EPRS1: variants seen among roughly 807,000 people sequenced by gnomAD.
The protein encoded by EPRS1 is glutamyl-prolyl-tRNA synthetase 1.
In EPRS1, 107 loss-of-function variants were observed where a neutral mutation model predicts 188.3. The observed-to-expected ratio is 0.57, with a 90% CI of 0.49 to 0.67. The LOEUF (loss-of-function observed/expected upper bound fraction) is 0.67, where lower values mean the gene tolerates loss of function less well. Among genes scored for constraint, EPRS1 ranks in the 30% least tolerant of loss-of-function variants. The probability of loss-of-function intolerance (pLI) is 0.00; values close to 1 mark genes in which losing one functional copy is unlikely to be tolerated. For synonymous variants in EPRS1, 596 were observed against 593.1 expected (o/e 1.00, Z -0.07); for missense variants, 1,577 against 1,802.2 (o/e 0.88, Z 2.26).
intron 30 of EPRS1, 145 bp from the exon 31 acceptor site, chr1:219,969,267 C>T (rs1180186939): frequency 3.2e-6 from 2 of 634,772 alleles, no homozygotes; most frequent in Non-Finnish European, 5.6e-6. Flanking sequence ...CTTTGCAAAC[C>T]TACTAGGAAC....
rs190938997 is a variant in EPRS1, at chr1:219,992,287, C to T, written c.2542-3464G>A. 1.2e-4 allele frequency among the ~76,000 whole-genome samples: 19 copies of T among 152,194 alleles called. No homozygotes were observed. The East Asian group carries it at 2.5e-3, about 20-fold the overall frequency. On this transcript the variant is annotated intron_variant, in intron 18 of 31. Coordinates refer to ENST00000366923, the MANE Select transcript of EPRS1 (RefSeq NM_004446.3). ...ATTGGGGACATAAAATACAAGGTGC[C>T]GTGAATTAAAATGCTGCAACTACAG...
chr1:220,022,004 A>G (rs1661886383), intron 9 of EPRS1, among the ~76,000 whole-genome samples: 1 of 151,584 alleles, frequency 6.6e-6, no homozygotes, highest in Non-Finnish European at 1.5e-5. Context: ...TTAGGAATCA[A>G]TTTGTGCAAA....
chr1:220,006,651 A>G (rs1661493267), intron 14 of EPRS1, among the ~76,000 whole-genome samples: 2 of 152,292 alleles, frequency 1.3e-5, no homozygotes, highest in East Asian at 1.9e-4. Context: ...TTGAATTACT[A>G]TGTTTAAAAA....
intron 16 of EPRS1, among the ~76,000 whole-genome samples, chr1:220,002,084 C>T (rs947857300): frequency 5.3e-5 from 8 of 151,862 alleles, no homozygotes; most frequent in Non-Finnish European, 1.2e-4. Flanking sequence ...AATCCCAGCA[C>T]TTTGGGAGGC....
chr1:219,990,785 T>C (rs1380668722), intron 18 of EPRS1, among the ~76,000 whole-genome samples: 2 of 152,314 alleles, frequency 1.3e-5, no homozygotes, highest in African/African-American at 4.8e-5. Context: ...TATCTCTTAA[T>C]ATACTAGTTT....
intron 12 of EPRS1, among the ~76,000 whole-genome samples, chr1:220,016,328 G>T (rs1247631198): frequency 6.6e-6 from 1 of 150,776 alleles, no homozygotes; most frequent in African/African-American, 2.4e-5. Flanking sequence ...TAAGTAACAG[G>T]GTGAGATTCC....
intron 17 of EPRS1, among the ~76,000 whole-genome samples, chr1:219,998,681 T>TA (rs1444979491): frequency 1.3e-5 from 2 of 151,828 alleles, no homozygotes; most frequent in Non-Finnish European, 2.9e-5. Flanking sequence ...TAGCTGGGAT[T>TA]ACAGGCCTGC....
In EPRS1 at chr1:220,011,024, T is replaced by A; in HGVS notation, c.1527A>T (p.Ala509=). The change falls in exon 13 of 32, where the codon GCA becomes GCT. Residue 509 remains alanine (A), a synonymous_variant. Transcript: ENST00000366923. ...VIDPVAPRYV[A]LLKKEVIPVN... ...CTGGGATCACTTCTTTCTTCAGTAATGCAACATATCGTGGAGCCACTGGGT... is the reference window on the plus strand; with the variant it reads ...CTGGGATCACTTCTTTCTTCAGTAAAGCAACATATCGTGGAGCCACTGGGT... 1 of 1,613,274 alleles carries A rather than the reference T, an allele frequency of 6.2e-7. No individual in the cohort carries two copies. The highest frequency in any genetic ancestry group is 8.5e-7 in the Non-Finnish European group (1 of 1,179,254).
intron 18 of EPRS1, among the ~76,000 whole-genome samples, chr1:219,990,172 T>C (rs1661092661): frequency 6.7e-6 from 1 of 149,866 alleles, no homozygotes; most frequent in Non-Finnish European, 1.5e-5. Context: ...TGAAACGTTA[T>C]AAAGGAGAAA....
intron 12 of EPRS1, chr1:220,018,211 T>G (rs1407340233): frequency 4.1e-5 from 51 of 1,258,776 alleles, no homozygotes; most frequent in Non-Finnish European, 5.3e-5. Flanking sequence ...ATATTACTGT[T>G]CCCCATAATT....
At chr1:220,002,821 A>T (rs1413417470) in intron 16 of EPRS1, among the ~76,000 whole-genome samples, 1 of 152,212 alleles carries the variant, frequency 6.6e-6, no homozygotes, top group African/African-American at 2.4e-5. Context: ...TCTGGGTGAG[A>T]GTGAGACCCT....
rs528288788 is a variant in EPRS1, at chr1:220,038,154, C to T, written c.131+2031G>A. On this transcript the variant is annotated intron_variant, in intron 2 of 31. Coordinates refer to ENST00000366923, the MANE Select transcript of EPRS1 (RefSeq NM_004446.3). ...CTAGAGTGCAATGGCACAATCTCAG[C>T]TCACTGCAACCTCCACCTCCCGGGT... Among the ~76,000 whole-genome samples, 23 of 150,194 alleles carry T rather than the reference C, an allele frequency of 1.5e-4. No individual in the cohort carries two copies. In the South Asian group the frequency reaches 4.8e-3, roughly 32 times the overall value.
chr1:219,978,284 A>T (rs1316981622), intron 28 of EPRS1, among the ~76,000 whole-genome samples: 2 of 152,198 alleles, frequency 1.3e-5, no homozygotes, highest in Non-Finnish European at 2.9e-5. Context: ...ACGTGAGGGT[A>T]ATCATAAACA....
At chr1:219,972,654 C>A (rs573595879) in intron 29 of EPRS1, among the ~76,000 whole-genome samples, 11 of 152,158 alleles carry the variant, frequency 7.2e-5, no homozygotes. Context: ...AACAGGGTGC[C>A]ACGCTAAGCC....
rs1178513548 is a variant in EPRS1, at chr1:219,973,244, A to T, written c.4238T>A (p.Phe1413Tyr). The T allele has an allele frequency of 6.2e-7, 1 of 1,611,824 alleles. No individual in the cohort carries two copies. Reference protein sequence around the residue: ...AILEDIQVTLFTRASEDLKTH... With the variant: ...AILEDIQVTLYTRASEDLKTH... ...AGCAATTTTAAGAAACTACCTTGTG[A>T]AAAGGGTGACCTGGATGTCTTCCAA... Residue 1413 changes from phenylalanine (F) to tyrosine (Y), a missense_variant, in exon 29 of 32, where the codon TTC (phenylalanine) becomes TAC (tyrosine). This residue lies in a region of EPRS1 where 296 missense variants were observed against 327.9 expected (regional missense o/e 0.90). Coordinates refer to ENST00000366923, the MANE Select transcript of EPRS1 (RefSeq NM_004446.3).
chr1:220,008,809 G>A (rs1661546355), intron 13 of EPRS1, among the ~76,000 whole-genome samples: 1 of 152,116 alleles, frequency 6.6e-6, no homozygotes, highest in South Asian at 2.1e-4. Flanking sequence ...ACCTACCTCT[G>A]AGATTATAAG....
intron 6 of EPRS1, 60 bp downstream of exon 6, chr1:220,030,326 C>T: frequency 3.6e-6 from 4 of 1,097,798 alleles, no homozygotes; most frequent in Non-Finnish European, 5.6e-6. Context: ...TATTTAATCA[C>T]TGTTTTAAAG....
Position 220,034,926 on chromosome 1 carries a change from C to A in EPRS1, c.219G>T (p.Met73Ile). 6.3e-7 allele frequency: 1 copy of A among 1,583,194 alleles called. No homozygotes were observed. The highest frequency in any genetic ancestry group is 8.7e-7 in the Non-Finnish European group (1 of 1,152,224). Reference sequence around the variant, plus strand: ...GTTCATTGCTTACCTCAGTATGTTCCATCAGATTAGAGCCATATAACCCAG... The same window carrying A: ...GTTCATTGCTTACCTCAGTATGTTCAATCAGATTAGAGCCATATAACCCAG... ...TTAGLYGSNLMEHTEIDHWLE... is the reference protein window; with the variant it reads ...TTAGLYGSNLIEHTEIDHWLE... The change falls in exon 3 of 32, where the codon ATG becomes ATT. Residue 73 changes from methionine (M) to isoleucine (I), a missense_variant. Met to Ile is a conservative substitution (Grantham distance 10). This residue lies in a region of EPRS1 where 1,278 missense variants were observed against 1,457.4 expected (regional missense o/e 0.88). Coordinates refer to ENST00000366923, the MANE Select transcript of EPRS1 (RefSeq NM_004446.3).
At position 220,033,513 on chromosome 1, in the gene EPRS1, G is replaced by C. The variant is rs1200136541; in HGVS notation, c.377C>G (p.Ala126Gly). The C allele has an allele frequency of 9.3e-6, 15 of 1,608,138 alleles. No individual in the cohort carries two copies. Among genetic ancestry groups the C allele is most frequent in the Non-Finnish European group, 4.2e-6 (5 of 1,176,992 alleles). ...SLSLADLCVW[A>G]TLKGNAAWQE... ...AGAATTATTGATACCTTTTAGGGTG[G>C]CCCAAACACATAAATCTGCTAAACT... The change falls in exon 4 of 32, where the codon GCC (alanine) becomes GGC (glycine). Residue 126 changes from alanine to glycine, a missense_variant. Physicochemically the swap from Ala to Gly is moderately conservative, Grantham distance 60 (BLOSUM62 0). Transcript: ENST00000366923.
Sources: allele counts gnomAD v4.1 joint callset (sites outside exome capture counted in the v4.1 genomes callset), GRCh38; gene constraint gnomAD v4.1.1; regional missense constraint gnomAD v4.1.1; transcripts MANE v1.5; gene names NCBI Gene and HGNC (gene_info 2026-07-23, HGNC 2026-07-21).